Variants in ZNF652 observed in about 807,000 individuals in gnomAD.
The protein encoded by ZNF652 is zinc finger protein 652.
In ZNF652, 16 loss-of-function variants were observed where a neutral mutation model predicts 45.2. The observed-to-expected ratio is 0.35, with a 90% CI of 0.24 to 0.54. The LOEUF (loss-of-function observed/expected upper bound fraction) is 0.54. Among genes scored for constraint, ZNF652 ranks in the 20% least tolerant of loss-of-function variants. ZNF652 has a pLI of 0.91. For synonymous variants in ZNF652, 250 were observed against 260.6 expected, an observed-to-expected ratio of 0.96 and a Z score of 0.39; for missense variants, 614 against 765.6, an observed-to-expected ratio of 0.80 and a Z score of 2.34.
In ZNF652 at chr17:49,317,261, C is replaced by G. The variant is rs749313868; in HGVS notation, c.465G>C (p.Glu155Asp). The change falls in exon 2 of 6, where the codon GAG (glutamate) becomes GAC (aspartate). Residue 155 changes from glutamate (E) to aspartate (D), a missense_variant. Physicochemically the swap from Glu to Asp is conservative, Grantham distance 45. This residue lies in a region of ZNF652 where 262 missense variants were observed against 306.3 expected (regional missense o/e 0.86). Transcript: ENST00000430262. Reference sequence around the variant, plus strand: ...CTGTGGCCTCTTCCTCACTCTCTTCCTCTTCCTCCTCACTGCTTGTCTTAA... The same window carrying G: ...CTGTGGCCTCTTCCTCACTCTCTTCGTCTTCCTCCTCACTGCTTGTCTTAA... Reference protein sequence around the residue: ...PVLKTSSEEEEEESEEEATDD... With the variant: ...PVLKTSSEEEDEESEEEATDD... 5 of 1,612,782 alleles carry G rather than the reference C, an allele frequency of 3.1e-6. No homozygotes were observed. Among genetic ancestry groups the G allele is most frequent in the Non-Finnish European group, 4.2e-6 (5 of 1,179,986 alleles).
intron 1 of ZNF652, among the ~76,000 whole-genome samples, chr17:49,326,798 G>A (rs2069960590): frequency 6.6e-6 from 1 of 151,978 alleles, no homozygotes; most frequent in Non-Finnish European, 1.5e-5. Context: ...ACTGTATTGG[G>A]GGCAGCAGAT....
In ZNF652 at chr17:49,296,666, T is replaced by C. The variant is rs2069481423; in HGVS notation, c.*1747A>G. The C allele has an allele frequency of 6.6e-6, 1 of 152,004 alleles. No homozygotes were observed. 9.4% of individuals were successfully genotyped at this position (152,004 alleles called of 1,614,324 possible). ...TTGCTTGAACCCAAGAGTTGGAGGC[T>C]GTAGTGTGCTATAACTGCACCTGTG... On this transcript the variant is annotated 3_prime_UTR_variant, in exon 6 of 6. Coordinates refer to ENST00000430262, the MANE Select transcript of ZNF652 (RefSeq NM_001145365.3).
chr17:49,316,974 G>A lies in ZNF652; in HGVS notation c.752C>T (p.Pro251Leu). The change falls in exon 2 of 6, where the codon CCC (proline) becomes CTC (leucine). Residue 251 changes from proline (P) to leucine (L), a missense_variant. Pro to Leu is a moderately conservative substitution (Grantham distance 98). Around this residue, in one of 5 missense-constraint regions of ZNF652, gnomAD observed 262 missense variants for 306.3 expected, o/e 0.86. Transcript: ENST00000430262. ...EKETLTCEKC[P>L]RVFNTRWYLE... is the part of the protein sequence containing the mutation. The stretch of plus-strand genomic sequence containing the variant: ...GTACCAGCGAGTGTTAAATACCCTG[G>A]GGCACTTCTCACAGGTCAGAGTCTC... 6.8e-6 allele frequency: 11 copies of A among 1,614,020 alleles called. No homozygotes were observed. Among genetic ancestry groups the A allele is most frequent in the South Asian group, 1.1e-5 (1 of 91,066 alleles).
At chr17:49,320,802 T>A (rs574956095) in intron 1 of ZNF652, among the ~76,000 whole-genome samples, 13 of 152,354 alleles carry the variant, frequency 8.5e-5, no homozygotes, top group Admixed American at 2.0e-4. Flanking sequence ...TAAAGAGTAA[T>A]CATTAATTCA....
chr17:49,358,669 CTTTT>C (rs1002057936), intron 1 of ZNF652, among the ~76,000 whole-genome samples: 1 of 151,816 alleles, frequency 6.6e-6, no homozygotes, highest in Admixed American at 6.6e-5. Flanking sequence ...TACTAATCAA[CTTTT>C]TTTTTCTACA....
chr17:49,355,518 A>G (rs186110330), intron 1 of ZNF652, among the ~76,000 whole-genome samples: 1 of 152,280 alleles, frequency 6.6e-6, no homozygotes, highest in East Asian at 1.9e-4. Flanking sequence ...TGAAAGCTGC[A>G]GTGAGCCAAG....
chr17:49,304,753 A>C (rs1259048188), intron 5 of ZNF652, among the ~76,000 whole-genome samples: 1 of 152,150 alleles, frequency 6.6e-6, no homozygotes, highest in Non-Finnish European at 1.5e-5. Flanking sequence ...CCTACAGAGA[A>C]GATAGAAAAG....
chr17:49,306,567 G>A (rs1238219939), intron 5 of ZNF652, among the ~76,000 whole-genome samples: 6 of 152,080 alleles, frequency 3.9e-5, no homozygotes, highest in Non-Finnish European at 5.9e-5. Flanking sequence ...GATTACAGAC[G>A]TGAGTCACTG....
intron 1 of ZNF652, among the ~76,000 whole-genome samples, chr17:49,323,325 G>A (rs2069919154): frequency 6.6e-6 from 1 of 152,196 alleles, no homozygotes; most frequent in Non-Finnish European, 1.5e-5. Flanking sequence ...AGAGATGGCA[G>A]CAACTCAGTC....
At chr17:49,329,196 A>C (rs551240464) in intron 1 of ZNF652, among the ~76,000 whole-genome samples, 1 of 152,366 alleles carries the variant, frequency 6.6e-6, no homozygotes, top group African/African-American at 2.4e-5. Context: ...CACTTTTAAC[A>C]AACTAAAGAC....
chr17:49,335,942 G>C (rs2070075178), intron 1 of ZNF652, among the ~76,000 whole-genome samples: 1 of 152,012 alleles, frequency 6.6e-6, no homozygotes, highest in South Asian at 2.1e-4. Context: ...GCCTTAGTCA[G>C]AAAGCATTTA....
At chr17:49,347,072 T>C (rs62076446) in intron 1 of ZNF652, among the ~76,000 whole-genome samples, 13,808 of 152,248 alleles carry the variant, frequency 0.091, 877 homozygotes, top group Non-Finnish European at 0.14. Context: ...GAGTCATGGA[T>C]TGAAACACAC....
At position 49,317,500 on chromosome 17, in the gene ZNF652, C is replaced by G. The variant is rs374225888; in HGVS notation, c.226G>C (p.Glu76Gln). 6 of 1,614,028 alleles carry G rather than the reference C, an allele frequency of 3.7e-6. No homozygotes were observed. In the African/African-American group the frequency reaches 5.3e-5, roughly 14 times the overall value. The part of the protein sequence containing the change: ...KMSKPHLHET[E>Q]EQPYFRETRA... ...GTCTCCCTGAAATATGGCTGTTCTT[C>G]TGTTTCATGGAGATGCGGTTTGCTC... The change falls in exon 2 of 6, where the codon GAA becomes CAA. Residue 76 changes from glutamate to glutamine, a missense_variant. Glu to Gln is a conservative substitution (Grantham distance 29). This residue lies in a region of ZNF652 where 133 missense variants were observed against 132.2 expected (regional missense o/e 1.01). Coordinates refer to ENST00000430262, the MANE Select transcript of ZNF652 (RefSeq NM_001145365.3).
intron 1 of ZNF652, among the ~76,000 whole-genome samples, chr17:49,338,055 A>G (rs555100573): frequency 6.6e-6 from 1 of 151,916 alleles, no homozygotes; most frequent in African/African-American, 2.4e-5. Flanking sequence ...TGGCGCGATC[A>G]TGACTCACTT....
chr17:49,331,842 G>A lies in ZNF652; in HGVS notation c.-258-13859C>T, dbSNP rs183571834. 7.8e-3 allele frequency among the ~76,000 whole-genome samples: 1,183 copies of A among 152,284 alleles called. 23 individuals carry two copies. Among genetic ancestry groups the A allele is most frequent in the African/African-American group, 0.025 (1,033 of 41,560 alleles). ...AAATTAGCCATGCATGGTAGTGCAT[G>A]CCTGTAGTCCCAGCTATTTGGGAGG... On this transcript the variant is annotated intron_variant, in intron 1 of 5. Transcript: ENST00000430262.
At chr17:49,357,799 C>T (rs1430652598) in intron 1 of ZNF652, among the ~76,000 whole-genome samples, 2 of 152,164 alleles carry the variant, frequency 1.3e-5, no homozygotes, top group Admixed American at 6.5e-5. Context: ...ATGGGTAGCA[C>T]TGTAGAATTT....
intron 1 of ZNF652, among the ~76,000 whole-genome samples, chr17:49,344,996 G>A (rs2070189310): frequency 6.6e-6 from 1 of 152,100 alleles, no homozygotes; most frequent in Non-Finnish European, 1.5e-5. Flanking sequence ...AAAAGTTCTT[G>A]CCAAGTAATT....
At chr17:49,301,012 T>C (rs2069545368) in intron 5 of ZNF652, among the ~76,000 whole-genome samples, 1 of 152,220 alleles carries the variant, frequency 6.6e-6, no homozygotes, top group Non-Finnish European at 1.5e-5. Context: ...TCAACATGCA[T>C]TTCTGCACAC....
At chr17:49,350,967 C>CTATATATATATATA (rs2070265069) in intron 1 of ZNF652, among the ~76,000 whole-genome samples, 1 of 53,164 alleles carries the variant, frequency 1.9e-5, no homozygotes, top group African/African-American at 7.8e-5. Flanking sequence ...AAGACTCTGT[C>CTATATATATATATA]TACATATATA....
Sources: gnomAD v4.1 joint callset for allele counts (sites outside exome capture counted in the v4.1 genomes callset) on GRCh38, gnomAD v4.1.1 for gene constraint, gnomAD v4.1.1 regional missense constraint, MANE v1.5 for transcripts, NCBI Gene and HGNC (gene_info 2026-07-23, HGNC 2026-07-21) for gene names.